SLC7A6: variants seen among roughly 807,000 people sequenced by gnomAD.
SLC7A6 encodes solute carrier family 7 member 6.
Under a neutral mutation model 46.6 loss-of-function variants are expected in SLC7A6, and 29 were observed. That is an observed-to-expected ratio of 0.62 (90% CI 0.46 to 0.85). The LOEUF is 0.85. Ranked by LOEUF, SLC7A6 falls within the 40% of genes least tolerant of loss-of-function variation. The pLI, the probability that SLC7A6 is intolerant of heterozygous loss-of-function variation, is 0.00. For synonymous variants in SLC7A6, 276 were observed against 257.3 expected (o/e 1.07, Z -0.70); for missense variants, 527 against 647.6 (o/e 0.81, Z 2.02).
Position 68,287,258 on chromosome 16 carries a change from G to A in SLC7A6, c.524-488G>A, listed in dbSNP as rs1019439442. The A allele has an allele frequency of 6.7e-6, 8 of 1,193,186 alleles. No homozygotes were observed. The African/African-American group carries it at 1.3e-4, about 19-fold the overall frequency. The allele number at this position is 1,193,186 out of a possible 1,614,324, so 73.9% of individuals were successfully genotyped here. A position where few individuals can be genotyped will look rare whatever the true frequency, so the allele number is the denominator to read the frequency against. ...TTCCCAAAGTGCTGGGATTACAGGTGTGAGCCACTGCACCTGGCCTCATTT... is the reference window on the plus strand; with the variant it reads ...TTCCCAAAGTGCTGGGATTACAGGTATGAGCCACTGCACCTGGCCTCATTT... On this transcript the variant is annotated intron_variant, in intron 3 of 10. Transcript: ENST00000219343.
chr16:68,296,646 T>C lies in SLC7A6; in HGVS notation c.1289T>C (p.Ile430Thr). ...TTTCAGCTGAGCGTGTTTTTCCCCATCGTGTTCTGCATATGCTCCGTGTTT... is the reference window on the plus strand; with the variant it reads ...TTTCAGCTGAGCGTGTTTTTCCCCACCGTGTTCTGCATATGCTCCGTGTTT... Reference protein sequence around the residue: ...RPLKLSVFFPIVFCICSVFLV... With the variant: ...RPLKLSVFFPTVFCICSVFLV... The change falls in exon 10 of 11, where the codon ATC (isoleucine) becomes ACC (threonine). Residue 430 changes from isoleucine to threonine, a missense_variant. Physicochemically the swap from Ile to Thr is moderately conservative, Grantham distance 89. Transcript: ENST00000219343. 1.2e-6 allele frequency: 2 copies of C among 1,614,186 alleles called. No individual in the cohort carries two copies. Among genetic ancestry groups the C allele is most frequent in the Non-Finnish European group, 1.7e-6 (2 of 1,180,024 alleles).
chr16:68,272,366 C>A (rs2042637101), intron 2 of SLC7A6, among the ~76,000 whole-genome samples: 1 of 152,138 alleles, frequency 6.6e-6, no homozygotes, highest in Non-Finnish European at 1.5e-5. Context: ...GAGTTGGAGG[C>A]TGCAGTGAGC....
At chr16:68,294,868 T>C in intron 8 of SLC7A6, 67 bp downstream of exon 8, 1 of 1,128,972 alleles carries the variant, frequency 8.9e-7, no homozygotes, top group Non-Finnish European at 1.3e-6. Flanking sequence ...TTGTGCTAAG[T>C]TGTTAAATAA....
chr16:68,275,174 T>C lies in SLC7A6; in HGVS notation c.448T>C (p.Tyr150His). ...QAIIAITFAN[Y>H]IIQPSFPSCD... Reference sequence around the variant, plus strand: ...CATCATCGCCATCACCTTTGCCAACTACATCATCCAGCCGTCCTTCCCCAG... The same window carrying C: ...CATCATCGCCATCACCTTTGCCAACCACATCATCCAGCCGTCCTTCCCCAG... The change falls in exon 3 of 11, where the codon TAC becomes CAC. Residue 150 changes from tyrosine (Y) to histidine (H), a missense_variant. Physicochemically the swap from Tyr to His is moderately conservative, Grantham distance 83. Transcript: ENST00000219343. 6.2e-7 allele frequency: 1 copy of C among 1,613,910 alleles called. No homozygotes were observed.
chr16:68,268,573 T>C (rs763300148), intron 2 of SLC7A6, among the ~76,000 whole-genome samples: 3 of 152,248 alleles, frequency 2.0e-5, no homozygotes, highest in South Asian at 2.1e-4. Flanking sequence ...TCTGATGTAA[T>C]TGAATTGTGA....
Position 68,296,479 on chromosome 16 carries a change from G to A in SLC7A6, c.1235G>A (p.Arg412His), listed in dbSNP as rs745643907. Residue 412 changes from arginine (R) to histidine (H), a missense_variant, in exon 9 of 11, where the codon CGC (arginine) becomes CAC (histidine). By Grantham distance (29) the Arg-to-His change is conservative. Coordinates refer to ENST00000219343, the MANE Select transcript of SLC7A6 (RefSeq NM_003983.6). ...TCTGTTGTTGGACAGCTCTACCTCC[G>A]CTGGAAGGAGCCCAAGCGGCCCCGG... ...GLSVVGQLYL[R>H]WKEPKRPRPL... 8.1e-6 allele frequency: 13 copies of A among 1,614,002 alleles called. No individual in the cohort carries two copies. The highest frequency in any genetic ancestry group is 4.5e-5 in the East Asian group (2 of 44,888).
intron 3 of SLC7A6, among the ~76,000 whole-genome samples, chr16:68,278,813 A>G (rs1271364492): frequency 1.3e-5 from 2 of 152,152 alleles, no homozygotes; most frequent in African/African-American, 4.8e-5. Context: ...CCCGCTCTCA[A>G]TGAGCTGTTG....
At chr16:68,273,059 C>G (rs2042648440) in intron 2 of SLC7A6, 1 of 152,238 alleles carries the variant, frequency 6.6e-6, no homozygotes, top group South Asian at 2.1e-4. Flanking sequence ...GCTGCCTTCA[C>G]TCCTGGGACT....
At chr16:68,288,023 G>A in intron 4 of SLC7A6, 152 bp downstream of exon 4, 4 of 1,241,182 alleles carry the variant, frequency 3.2e-6, no homozygotes, top group South Asian at 1.6e-5. Context: ...TTCTTTCTGG[G>A]CTTTTTGGGC....
intron 3 of SLC7A6, among the ~76,000 whole-genome samples, chr16:68,277,304 C>T (rs982017329): frequency 4.5e-5 from 3 of 66,160 alleles, no homozygotes; most frequent in Non-Finnish European, 9.0e-5. Context: ...TCAAGCTGGT[C>T]GAGAAGAGTA....
intron 4 of SLC7A6, 76 bp from the exon 5 acceptor site, chr16:68,290,320 A>C (rs2043022173): frequency 2.0e-6 from 3 of 1,466,412 alleles, no homozygotes; most frequent in Non-Finnish European, 2.8e-6. Flanking sequence ...TTTCTCTTAC[A>C]CCTCCCATCT....
chr16:68,285,147 G>A (rs1567589662), intron 3 of SLC7A6, among the ~76,000 whole-genome samples: 1 of 152,114 alleles, frequency 6.6e-6, no homozygotes, highest in African/African-American at 2.4e-5. Context: ...CTAAGGGCTT[G>A]TATGTGACTT....
At chr16:68,295,236 TACTG>T (rs1213992091) in intron 8 of SLC7A6, among the ~76,000 whole-genome samples, 8 of 152,218 alleles carry the variant, frequency 5.3e-5, no homozygotes, top group Admixed American at 2.0e-4. Context: ...TTTAGCTTTA[TACTG>T]ACTATCTGAA....
intron 3 of SLC7A6, among the ~76,000 whole-genome samples, chr16:68,283,678 A>G (rs1401087908): frequency 1.3e-5 from 2 of 152,224 alleles, no homozygotes; most frequent in Non-Finnish European, 2.9e-5. Context: ...TGGATCTGCC[A>G]TTTGAGTACT....
Position 68,301,506 on chromosome 16 carries a change from A to G in SLC7A6, c.*4178A>G. The G allele has an allele frequency of 4.3e-6, 4 of 939,618 alleles. No homozygotes were observed. The highest frequency in any genetic ancestry group is 6.3e-6 in the Non-Finnish European group (4 of 637,196). 58.2% of individuals were successfully genotyped at this position (939,618 alleles called of 1,614,324 possible). On this transcript the variant is annotated 3_prime_UTR_variant, in exon 11 of 11. Transcript: ENST00000219343. ...AAGGTCTGTTTTTGTTCCCGATTGT[A>G]ATGCAAAATCCTTGCTCAATAAATA... is the stretch of plus-strand genomic sequence containing the variant.
Position 68,275,182 on chromosome 16 carries a change from C to A in SLC7A6, c.456C>A (p.Ile152=). The A allele has an allele frequency of 6.2e-7, 1 of 1,614,012 alleles. No individual in the cohort carries two copies. Among genetic ancestry groups the A allele is most frequent in the Non-Finnish European group, 8.5e-7 (1 of 1,180,014 alleles). ...IIAITFANYI[I]QPSFPSCDPP... Reference sequence around the variant, plus strand: ...CCATCACCTTTGCCAACTACATCATCCAGCCGTCCTTCCCCAGCTGTGATC... The same window carrying A: ...CCATCACCTTTGCCAACTACATCATACAGCCGTCCTTCCCCAGCTGTGATC... Residue 152 remains isoleucine, a synonymous_variant, in exon 3 of 11, where the codon ATC becomes ATA. Coordinates refer to ENST00000219343, the MANE Select transcript of SLC7A6 (RefSeq NM_003983.6).
chr16:68,291,365 T>C, intron 6 of SLC7A6, 33 bp downstream of exon 6: 1 of 1,612,318 alleles, frequency 6.2e-7, no homozygotes, highest in Non-Finnish European at 8.5e-7. Flanking sequence ...TTGTTCATCA[T>C]CTCCTGATAC....
At position 68,297,302 on chromosome 16, in the gene SLC7A6, A is replaced by T; in HGVS notation, c.1522A>T (p.Lys508Ter). The change falls in exon 11 of 11, where the codon AAA becomes TAA. Residue 508 changes from lysine to a stop codon, truncating the protein, a stop_gained. Transcript: ENST00000219343. LOFTEE classifies it high-confidence loss of function. ...GACTGAGCTTGATGTAGCCGAAGAA[A>T]AAAAGGATGAGAGGAAAACTGACTA... ...VLTELDVAEE[K>*]KDERKTD 1 of 1,614,206 alleles carries T rather than the reference A, an allele frequency of 6.2e-7. No individual in the cohort carries two copies. Among genetic ancestry groups the T allele is most frequent in the Non-Finnish European group, 8.5e-7 (1 of 1,180,026 alleles).
At chr16:68,290,066 G>C (rs1270089986) in intron 4 of SLC7A6, 1 of 235,210 alleles carries the variant, frequency 4.3e-6, no homozygotes, top group Non-Finnish European at 8.2e-6. Flanking sequence ...AAGAAGTATT[G>C]TCACATCAGA....
Sources: allele counts gnomAD v4.1 joint callset (sites outside exome capture counted in the v4.1 genomes callset), GRCh38; gene constraint gnomAD v4.1.1; transcripts MANE v1.5; gene names NCBI Gene and HGNC (gene_info 2026-07-23, HGNC 2026-07-21).